Variants in ESRRB observed in about 807,000 individuals in gnomAD.
The protein encoded by ESRRB is estrogen related receptor beta, also known as steroid hormone receptor ERR2.
Under a neutral mutation model 46.0 loss-of-function variants are expected in ESRRB, and 16 were observed. The ratio of observed to expected loss-of-function variants is 0.35; its 90% CI spans 0.24 to 0.53. The LOEUF (loss-of-function observed/expected upper bound fraction) is 0.53. Ranked by LOEUF, ESRRB falls within the 20% of genes least tolerant of loss-of-function variation. The pLI is 0.93. For missense variants in ESRRB, 488 were observed against 607.4 expected (o/e 0.80, Z 2.07); for synonymous variants, 246 against 259.6 (o/e 0.95, Z 0.50).
intron 1 of ESRRB, among the ~76,000 whole-genome samples, chr14:76,413,394 T>C (rs1341053306): frequency 6.6e-6 from 1 of 152,208 alleles, no homozygotes; most frequent in Non-Finnish European, 1.5e-5. Flanking sequence ...GGCTGTATAC[T>C]GCTGTTCCCT....
chr14:76,367,345 A>G (rs1299616384), upstream of ESRRB, among the ~76,000 whole-genome samples: 1 of 152,116 alleles, frequency 6.6e-6, no homozygotes, highest in East Asian at 1.9e-4. Context: ...ACTCGAGCAC[A>G]GGAGTTCAAG....
intron 3 of ESRRB, among the ~76,000 whole-genome samples, chr14:76,467,640 G>C (rs1035487286): frequency 6.6e-6 from 1 of 152,034 alleles, no homozygotes; most frequent in African/African-American, 2.4e-5. Flanking sequence ...TAGATTTGTT[G>C]GTGGGAATCT....
chr14:76,396,268 A>T (rs1345081011), intron 1 of ESRRB, among the ~76,000 whole-genome samples: 3 of 152,230 alleles, frequency 2.0e-5, no homozygotes, highest in Admixed American at 6.5e-5. Context: ...CATAGAGTTG[A>T]GTAAAAATAA....
intron 6 of ESRRB, among the ~76,000 whole-genome samples, chr14:76,495,965 G>A (rs187355113): frequency 4.6e-4 from 70 of 152,280 alleles, no homozygotes; most frequent in Non-Finnish European, 7.9e-4. Flanking sequence ...GGTTTAAAGC[G>A]TGTACTTCAG....
At position 76,354,662 on chromosome 14, in the gene ESRRB, C is replaced by T. The variant is rs534775795; in HGVS notation, c.2+43746C>T. Among the ~76,000 whole-genome samples the T allele has an allele frequency of 9.7e-5, 14 of 144,932 alleles. No individual in the cohort carries two copies. In the East Asian group the frequency reaches 1.9e-3, roughly 19 times the overall value. ...TGACCCACAAGAACCCATGGGGTCT[C>T]GGGGGTGGAAGAGTGTGCCTCATTT... On this transcript the variant is annotated intron_variant, in intron 1 of 6. Transcript: ENST00000512784.
chr14:76,363,380 C>T (rs1368238624), intron 1 of ESRRB, among the ~76,000 whole-genome samples: 3 of 152,178 alleles, frequency 2.0e-5, no homozygotes, highest in South Asian at 2.1e-4. Context: ...CAAATTGGTC[C>T]TCATGGGGAA....
chr14:76,441,097 A>T (rs1887904019), intron 2 of ESRRB, among the ~76,000 whole-genome samples: 1 of 152,196 alleles, frequency 6.6e-6, no homozygotes, highest in Admixed American at 6.5e-5. Flanking sequence ...GCTGGAGTGC[A>T]GTGGCTATTC....
At chr14:76,480,705 A>C (rs945505040) in intron 3 of ESRRB, among the ~76,000 whole-genome samples, 2 of 152,206 alleles carry the variant, frequency 1.3e-5, no homozygotes, top group Non-Finnish European at 2.9e-5. Context: ...CAAGGCTGGG[A>C]CAGGAAGGAA....
intron 1 of ESRRB, among the ~76,000 whole-genome samples, chr14:76,413,761 A>G (rs974157233): frequency 6.6e-6 from 1 of 152,038 alleles, no homozygotes; most frequent in African/African-American, 2.4e-5. Flanking sequence ...GCGAATAGTA[A>G]CAACTTCTCA....
intron 5 of ESRRB, among the ~76,000 whole-genome samples, chr14:76,490,216 A>G (rs1304213178): frequency 6.6e-6 from 1 of 152,230 alleles, no homozygotes; most frequent in Non-Finnish European, 1.5e-5. Context: ...TGTTAGAACC[A>G]ATCACTGAGT....
At chr14:76,408,661 G>A (rs1010233073) in intron 1 of ESRRB, among the ~76,000 whole-genome samples, 1 of 146,012 alleles carries the variant, frequency 6.8e-6, no homozygotes, top group Non-Finnish European at 1.5e-5. Flanking sequence ...CAAATGCATA[G>A]AGCTGGCATG....
chr14:76,491,491 A>G lies in ESRRB; in HGVS notation c.895A>G (p.Ser299Gly). The change falls in exon 6 of 7, where the codon AGT (serine) becomes GGT (glycine). Residue 299 changes from serine to glycine, a missense_variant. Coordinates refer to ENST00000644823, the MANE Select transcript of ESRRB (RefSeq NM_001379180.1). ...GGGGGACCAGATGAGCCTGCTGCAG[A>G]GTGCCTGGATGGAAATCCTCATCCT... ...SLGDQMSLLQ[S>G]AWMEILILGI... 2 of 1,606,104 alleles carry G rather than the reference A, an allele frequency of 1.2e-6. No homozygotes were observed. Among genetic ancestry groups the G allele is most frequent in the Non-Finnish European group, 1.7e-6 (2 of 1,176,736 alleles).
intron 1 of ESRRB, among the ~76,000 whole-genome samples, chr14:76,382,428 C>T (rs1228100329): frequency 6.6e-6 from 1 of 152,136 alleles, no homozygotes; most frequent in African/African-American, 2.4e-5. Flanking sequence ...AATTTTCTGG[C>T]CTGGGTAGGG....
intron 1 of ESRRB, among the ~76,000 whole-genome samples, chr14:76,393,548 A>C (rs993172278): frequency 6.6e-6 from 1 of 152,216 alleles, no homozygotes; most frequent in African/African-American, 2.4e-5. Flanking sequence ...AAAGAAGAAA[A>C]CATTACCTGG....
At chr14:76,461,750 A>G (rs1230618156) in intron 2 of ESRRB, among the ~76,000 whole-genome samples, 1 of 152,128 alleles carries the variant, frequency 6.6e-6, no homozygotes, top group Non-Finnish European at 1.5e-5. Context: ...ACCTCAGGTG[A>G]TCCACCAACC....
At chr14:76,380,051 A>C (rs1479349865) in intron 1 of ESRRB, among the ~76,000 whole-genome samples, 2 of 152,150 alleles carry the variant, frequency 1.3e-5, no homozygotes, top group African/African-American at 4.8e-5. Flanking sequence ...GCCTTCTCAG[A>C]GCACCCCTGG....
chr14:76,445,191 C>T (rs544607562), intron 2 of ESRRB, among the ~76,000 whole-genome samples: 23 of 147,388 alleles, frequency 1.6e-4, no homozygotes, highest in South Asian at 1.1e-3. Context: ...AAAAAGCGGC[C>T]GGGTGCGATG....
chr14:76,430,117 G>GGTCCTCCCCATCCT (rs1185185160), intron 1 of ESRRB, among the ~76,000 whole-genome samples: 1 of 151,980 alleles, frequency 6.6e-6, no homozygotes, highest in Non-Finnish European at 1.5e-5. Context: ...CTAGCCACAT[G>GGTCCTCCCCATCCT]GTCCTCCCCA....
At chr14:76,434,191 G>A (rs1421576552) in intron 1 of ESRRB, among the ~76,000 whole-genome samples, 1 of 152,154 alleles carries the variant, frequency 6.6e-6, no homozygotes, top group East Asian at 1.9e-4. Flanking sequence ...GGTCCTGGGG[G>A]ATAAGGACAG....
Sources: gnomAD v4.1 joint callset for allele counts (sites outside exome capture counted in the v4.1 genomes callset) on GRCh38, gnomAD v4.1.1 for gene constraint, MANE v1.5 for transcripts, NCBI Gene and HGNC (gene_info 2026-07-23, HGNC 2026-07-21) for gene names.